Variants in SPOCK1 observed in about 807,000 individuals in gnomAD.
The protein encoded by SPOCK1 is testican-1.
In SPOCK1, 23 loss-of-function variants were observed where a neutral mutation model predicts 55.3. The observed-to-expected ratio is 0.42, with a 90% CI of 0.30 to 0.59. SPOCK1 has a LOEUF of 0.59. Ranked by LOEUF, SPOCK1 falls within the 20% of genes least tolerant of loss-of-function variation. The pLI is 0.22. For missense variants in SPOCK1, 499 were observed against 552.5 expected, an observed-to-expected ratio of 0.90 and a Z score of 0.97; for synonymous variants, 226 against 221.0, an observed-to-expected ratio of 1.02 and a Z score of -0.20.
At position 137,074,782 on chromosome 5, in the gene SPOCK1, G is replaced by A. The variant is rs560601431; in HGVS notation, c.475-6953C>T. Among the ~76,000 whole-genome samples, 48 of 152,148 alleles carry A rather than the reference G, an allele frequency of 3.2e-4. No individual in the cohort carries two copies. In the South Asian group the frequency reaches 5.6e-3, roughly 18 times the overall value. On this transcript the variant is annotated intron_variant, in intron 5 of 10. Transcript: ENST00000394945. The stretch of plus-strand genomic sequence containing the variant: ...TGCAGTGGCGCAAACTCGGCTCACT[G>A]CAAGCTCCACCTCCCAGGTTCAGGC...
chr5:137,251,074 C>G (rs1391160221), intron 3 of SPOCK1, among the ~76,000 whole-genome samples: 1 of 152,114 alleles, frequency 6.6e-6, no homozygotes, highest in Admixed American at 6.5e-5. Flanking sequence ...AGATTGCTGG[C>G]CCCCACACCC....
chr5:137,232,375 G>C (rs894979109), intron 3 of SPOCK1, among the ~76,000 whole-genome samples: 11 of 152,146 alleles, frequency 7.2e-5, no homozygotes, highest in African/African-American at 2.4e-4. Context: ...TATGGATGAG[G>C]CTTCGGTCCA....
chr5:137,144,852 A>G (rs1754163441), intron 3 of SPOCK1, among the ~76,000 whole-genome samples: 1 of 152,212 alleles, frequency 6.6e-6, no homozygotes, highest in South Asian at 2.1e-4. Context: ...AGCAGAGTTC[A>G]AAGTTTCCTT....
At chr5:137,300,427 G>A (rs555195942) in intron 2 of SPOCK1, among the ~76,000 whole-genome samples, 7 of 152,244 alleles carry the variant, frequency 4.6e-5, no homozygotes, top group South Asian at 2.1e-4. Flanking sequence ...CATGCCTAGC[G>A]ATTTGTATTG....
intron 2 of SPOCK1, among the ~76,000 whole-genome samples, chr5:137,476,139 G>T (rs1753834137): frequency 1.3e-5 from 2 of 151,718 alleles, no homozygotes; most frequent in Admixed American, 1.3e-4. Context: ...CATCATCCAG[G>T]TATTAAGCCT....
intron 2 of SPOCK1, among the ~76,000 whole-genome samples, chr5:137,432,958 G>C (rs1236254030): frequency 6.6e-6 from 1 of 152,046 alleles, no homozygotes; most frequent in Non-Finnish European, 1.5e-5. Flanking sequence ...TATCTAAAAG[G>C]CATTTCATCC....
intron 6 of SPOCK1, among the ~76,000 whole-genome samples, chr5:137,031,999 T>C (rs1241148090): frequency 1.3e-5 from 2 of 148,160 alleles, no homozygotes; most frequent in Admixed American, 6.8e-5. Flanking sequence ...ATATACATAA[T>C]ATATAATAAA....
At chr5:137,076,141 G>C (rs1752755187) in intron 5 of SPOCK1, among the ~76,000 whole-genome samples, 1 of 152,084 alleles carries the variant, frequency 6.6e-6, no homozygotes, top group Admixed American at 6.5e-5. Context: ...CAGACCCGAA[G>C]GGCTCTCAGT....
At chr5:137,132,007 TATATATATATATA>T (rs1561621189) in intron 4 of SPOCK1, among the ~76,000 whole-genome samples, 3 of 80,482 alleles carry the variant, frequency 3.7e-5, no homozygotes, top group African/African-American at 1.8e-4. Context: ...TATATATATA[TATATATATATATA>T]AAAAATTAGC....
intron 2 of SPOCK1, among the ~76,000 whole-genome samples, chr5:137,338,588 C>T (rs1197275970): frequency 1.3e-5 from 2 of 151,776 alleles, no homozygotes; most frequent in African/African-American, 2.4e-5. Flanking sequence ...CCTGAGGAAT[C>T]GCCACACTGA....
chr5:137,001,821 C>A (rs932772214), intron 6 of SPOCK1, among the ~76,000 whole-genome samples: 4 of 152,138 alleles, frequency 2.6e-5, no homozygotes, highest in Middle Eastern at 3.2e-3. Flanking sequence ...TAATAAGCTC[C>A]TTGCCATAAG....
chr5:137,147,643 G>C (rs1312717937), intron 3 of SPOCK1, among the ~76,000 whole-genome samples: 1 of 152,118 alleles, frequency 6.6e-6, no homozygotes, highest in Admixed American at 6.5e-5. Context: ...TATCAGCTCA[G>C]GGCTCCACTC....
At chr5:136,988,812 TTTTTG>T (rs983962977) in intron 7 of SPOCK1, 169 bp from the exon 8 acceptor site, 4 of 568,364 alleles carry the variant, frequency 7.0e-6, no homozygotes, top group African/African-American at 5.6e-5. Context: ...ATTTTGTGTT[TTTTTG>T]TTTTGTTTTT....
intron 2 of SPOCK1, among the ~76,000 whole-genome samples, chr5:137,440,962 T>C (rs1165418759): frequency 2.0e-5 from 3 of 152,244 alleles, no homozygotes; most frequent in South Asian, 2.1e-4. Flanking sequence ...GCTTCACTTA[T>C]TACATGACTG....
chr5:137,271,177 A>T lies in SPOCK1; in HGVS notation c.187-4122T>A, dbSNP rs141917210. On this transcript the variant is annotated intron_variant, in intron 2 of 10. Coordinates refer to ENST00000394945, the MANE Select transcript of SPOCK1 (RefSeq NM_004598.4). Reference sequence around the variant, plus strand: ...CTCCAGTTATTGTTTTATTTTCTACAGCTGATCAACAAAGATAAAACTATA... The same window carrying T: ...CTCCAGTTATTGTTTTATTTTCTACTGCTGATCAACAAAGATAAAACTATA... 5.2e-3 allele frequency among the ~76,000 whole-genome samples: 797 copies of T among 152,076 alleles called. 10 individuals carry two copies. Among genetic ancestry groups the T allele is most frequent in the Middle Eastern group, 0.017 (5 of 294 alleles).
At chr5:137,313,076 A>G (rs1243421827) in intron 2 of SPOCK1, among the ~76,000 whole-genome samples, 1 of 152,164 alleles carries the variant, frequency 6.6e-6, no homozygotes, top group Non-Finnish European at 1.5e-5. Flanking sequence ...GGAGAACACA[A>G]TGCCACCTAC....
At chr5:137,042,879 A>C (rs958092370) in intron 6 of SPOCK1, among the ~76,000 whole-genome samples, 1 of 152,170 alleles carries the variant, frequency 6.6e-6, no homozygotes, top group Non-Finnish European at 1.5e-5. Context: ...GCACACACAC[A>C]TATGGATTAG....
intron 2 of SPOCK1, among the ~76,000 whole-genome samples, chr5:137,321,194 C>T (rs1392929908): frequency 6.9e-6 from 1 of 143,950 alleles, no homozygotes; most frequent in Admixed American, 6.9e-5. Flanking sequence ...GAAACACCAA[C>T]CAGAAAAAAA....
chr5:137,408,006 A>G (rs1752136394), intron 2 of SPOCK1, among the ~76,000 whole-genome samples: 1 of 151,340 alleles, frequency 6.6e-6, no homozygotes, highest in Admixed American at 6.6e-5. Context: ...CCCCTGCAAC[A>G]GACCAAGCTC....
Sources: gnomAD v4.1 joint callset for allele counts (sites outside exome capture counted in the v4.1 genomes callset) on GRCh38, gnomAD v4.1.1 for gene constraint, MANE v1.5 for transcripts, NCBI Gene and HGNC (gene_info 2026-07-23, HGNC 2026-07-21) for gene names.